Variants in SUCLG2 observed in about 807,000 individuals in gnomAD.
The protein encoded by SUCLG2 is succinate-CoA ligase GDP-forming subunit beta, also known as succinate--CoA ligase [GDP-forming] subunit beta, mitochondrial.
A neutral mutation model predicts 47.9 loss-of-function variants in SUCLG2; 42 were observed. That is an observed-to-expected ratio of 0.88 (90% CI 0.69 to 1.14). The LOEUF (loss-of-function observed/expected upper bound fraction) is 1.14, where lower values mean the gene tolerates loss of function less well. Ranked by LOEUF, SUCLG2 falls within the 50% of genes most tolerant of loss-of-function variation. SUCLG2 has a pLI of 0.00. For synonymous variants in SUCLG2, 195 were observed against 197.3 expected, an observed-to-expected ratio of 0.99 and a Z score of 0.10; for missense variants, 571 against 525.9, an observed-to-expected ratio of 1.09 and a Z score of -0.84.
rs191888435 is a variant in SUCLG2, at chr3:67,471,453, C to T, written c.1062+24345G>A. On this transcript the variant is annotated intron_variant, in intron 9 of 10. Coordinates refer to ENST00000307227, the MANE Select transcript of SUCLG2 (RefSeq NM_003848.4). Reference sequence around the variant, plus strand: ...TGCCTTTTCAACTTCCATGACCCAACTGCAGCCCCTCTAAATTCAAGCTCC... The same window carrying T: ...TGCCTTTTCAACTTCCATGACCCAATTGCAGCCCCTCTAAATTCAAGCTCC... Among the ~76,000 whole-genome samples the T allele has an allele frequency of 2.2e-3, 333 of 152,306 alleles. 3 individuals are homozygous for T. Among genetic ancestry groups the T allele is most frequent in the Non-Finnish European group, 3.3e-3 (226 of 68,026 alleles).
At chr3:67,393,087 G>A (rs1345215491) in intron 10 of SUCLG2, among the ~76,000 whole-genome samples, 1 of 152,240 alleles carries the variant, frequency 6.6e-6, no homozygotes, top group African/African-American at 2.4e-5. Flanking sequence ...CTCCCAGCGT[G>A]AGCGACGCAG....
chr3:67,480,423 C>T (rs1379916594), intron 9 of SUCLG2, among the ~76,000 whole-genome samples: 1 of 152,214 alleles, frequency 6.6e-6, no homozygotes, highest in African/African-American at 2.4e-5. Context: ...CAAGAATCTG[C>T]ATTTCTCACA....
intron 2 of SUCLG2, among the ~76,000 whole-genome samples, chr3:67,582,770 C>T (rs548821223): frequency 6.6e-6 from 1 of 152,230 alleles, no homozygotes; most frequent in East Asian, 1.9e-4. Context: ...AAAATCTTGC[C>T]AGCATCTGCT....
chr3:67,582,616 C>A (rs189310408), intron 2 of SUCLG2, among the ~76,000 whole-genome samples: 1 of 152,266 alleles, frequency 6.6e-6, no homozygotes, highest in Admixed American at 6.5e-5. Flanking sequence ...GATTTACATT[C>A]CTTTGGGTAT....
intron 9 of SUCLG2, among the ~76,000 whole-genome samples, chr3:67,428,390 T>C (rs1030692489): frequency 2.6e-5 from 4 of 152,100 alleles, no homozygotes; most frequent in East Asian, 1.9e-4. Flanking sequence ...TCCTGACTGT[T>C]AGAAGGAAAA....
At chr3:67,623,085 A>G (rs1700762321) in intron 1 of SUCLG2, among the ~76,000 whole-genome samples, 1 of 152,124 alleles carries the variant, frequency 6.6e-6, no homozygotes, top group Admixed American at 6.5e-5. Flanking sequence ...ATATATATAT[A>G]TATACCTATG....
In SUCLG2 at chr3:67,609,144, C is replaced by CA. The variant is rs1324731054; in HGVS notation, c.226+310dup. ...AAGAAAGGCTCTATTCTCCTACACC[C>CA]AGGCCATCACACTGAAGGCTGTCCT... On this transcript the variant is annotated intron_variant, in intron 2 of 10. Coordinates refer to ENST00000307227, the MANE Select transcript of SUCLG2 (RefSeq NM_003848.4). Among the ~76,000 whole-genome samples the CA allele has an allele frequency of 2.0e-5, 3 of 152,208 alleles. No homozygotes were observed. In the East Asian group the frequency reaches 5.8e-4, roughly 29 times the overall value.
At chr3:67,436,775 T>C (rs998093083) in intron 9 of SUCLG2, among the ~76,000 whole-genome samples, 1 of 152,206 alleles carries the variant, frequency 6.6e-6, no homozygotes, top group African/African-American at 2.4e-5. Context: ...TTTTCAATAT[T>C]ATATAATCTT....
intron 9 of SUCLG2, among the ~76,000 whole-genome samples, chr3:67,490,564 A>G (rs1031374452): frequency 1.3e-5 from 2 of 152,220 alleles, no homozygotes; most frequent in African/African-American, 4.8e-5. Flanking sequence ...ATCAATTTCA[A>G]AACAACACAT....
intron 1 of SUCLG2, among the ~76,000 whole-genome samples, chr3:67,649,509 G>A (rs1057076935): frequency 6.6e-6 from 1 of 151,916 alleles, no homozygotes; most frequent in African/African-American, 2.4e-5. Context: ...AGACTTCTTT[G>A]TATACCCAAA....
intron 9 of SUCLG2, among the ~76,000 whole-genome samples, chr3:67,480,475 T>C (rs915517570): frequency 3.3e-5 from 5 of 152,164 alleles, no homozygotes; most frequent in Non-Finnish European, 7.3e-5. Flanking sequence ...AACCACACTT[T>C]TGAAAACCAT....
chr3:67,512,458 T>G (rs1221074656), intron 6 of SUCLG2, among the ~76,000 whole-genome samples: 1 of 150,992 alleles, frequency 6.6e-6, no homozygotes, highest in Non-Finnish European at 1.5e-5. Context: ...TGGCATCCAC[T>G]GTAGTGATAC....
At chr3:67,553,821 G>T (rs1278758745) in intron 2 of SUCLG2, among the ~76,000 whole-genome samples, 1 of 152,044 alleles carries the variant, frequency 6.6e-6, no homozygotes, top group East Asian at 1.9e-4. Context: ...ACTAAACATA[G>T]AAAGTAGAAT....
downstream of SUCLG2, chr3:67,374,707 T>C (rs750293348): frequency 3.9e-5 from 34 of 862,082 alleles, no homozygotes; most frequent in South Asian, 2.1e-4. Flanking sequence ...AAATGAGAGA[T>C]ACACACAGAT....
intron 9 of SUCLG2, among the ~76,000 whole-genome samples, chr3:67,458,022 A>G (rs977622595): frequency 6.6e-6 from 1 of 152,070 alleles, no homozygotes. Flanking sequence ...TCAGATGCTT[A>G]AGGGCCACAT....
intron 2 of SUCLG2, among the ~76,000 whole-genome samples, chr3:67,570,967 C>G (rs1459950146): frequency 6.6e-6 from 1 of 152,170 alleles, no homozygotes. Flanking sequence ...AAAGTAAAGA[C>G]AGTCTTGGAG....
intron 1 of SUCLG2, among the ~76,000 whole-genome samples, chr3:67,643,224 A>C (rs953282224): frequency 1.3e-5 from 2 of 152,198 alleles, no homozygotes; most frequent in African/African-American, 4.8e-5. Context: ...TTCACTTTGC[A>C]AACATTTATT....
intron 2 of SUCLG2, among the ~76,000 whole-genome samples, chr3:67,596,544 C>A (rs779966016): frequency 4.6e-5 from 7 of 152,156 alleles, no homozygotes; most frequent in Non-Finnish European, 7.3e-5. Context: ...CTTTTCCCTG[C>A]GTGCCATGAC....
At chr3:67,543,092 A>T (rs1278541045) in intron 2 of SUCLG2, among the ~76,000 whole-genome samples, 1 of 152,236 alleles carries the variant, frequency 6.6e-6, no homozygotes, top group Non-Finnish European at 1.5e-5. Flanking sequence ...CAGCAAATGC[A>T]AAAGAATGGA....
Sources: gnomAD v4.1 joint callset for allele counts (sites outside exome capture counted in the v4.1 genomes callset) on GRCh38, gnomAD v4.1.1 for gene constraint, MANE v1.5 for transcripts, NCBI Gene and HGNC (gene_info 2026-07-23, HGNC 2026-07-21) for gene names.